The following LMO1 variants were observed in gnomAD, a reference collection of about 807,000 sequenced individuals.
LMO1 encodes LIM domain only 1, also known as rhombotin-1.
A neutral mutation model predicts 18.0 loss-of-function variants in LMO1; 10 were observed. The ratio of observed to expected loss-of-function variants is 0.55; its 90% CI spans 0.34 to 0.94. The LOEUF is 0.94. Among genes scored for constraint, LMO1 ranks in the 40% least tolerant of loss-of-function variants. The probability of loss-of-function intolerance (pLI) is 0.02; values close to 1 mark genes in which losing one functional copy is unlikely to be tolerated. For missense variants in LMO1, 183 were observed against 205.7 expected, an observed-to-expected ratio of 0.89 and a Z score of 0.68; for synonymous variants, 77 against 77.9, an observed-to-expected ratio of 0.99 and a Z score of 0.06.
chr11:8,258,981 A>G (rs1034709284), intron 1 of LMO1, among the ~76,000 whole-genome samples: 1 of 152,200 alleles, frequency 6.6e-6, no homozygotes, highest in Non-Finnish European at 1.5e-5. Context: ...GGGCATCAGT[A>G]GTTAATGCAG....
intron 3 of LMO1, 42 bp downstream of exon 3, chr11:8,226,933 G>A (rs1416614903): frequency 6.3e-7 from 1 of 1,580,664 alleles, no homozygotes. Flanking sequence ...GCCTCAGGCT[G>A]GCGTCTGGGG....
chr11:8,266,881 G>C (rs1847266769), upstream of LMO1, among the ~76,000 whole-genome samples: 1 of 152,236 alleles, frequency 6.6e-6, no homozygotes, highest in Admixed American at 6.5e-5. Flanking sequence ...GCTCAGAGAG[G>C]TATTGGGGTG....
intron 1 of LMO1, among the ~76,000 whole-genome samples, chr11:8,261,593 C>G (rs370402603): frequency 7.2e-5 from 11 of 152,328 alleles, no homozygotes; most frequent in South Asian, 2.1e-4. Flanking sequence ...GCCAAATAAC[C>G]TCTGCTAAAG....
At chr11:8,244,083 T>C (rs1030251674) in intron 1 of LMO1, among the ~76,000 whole-genome samples, 46 of 152,322 alleles carry the variant, frequency 3.0e-4, no homozygotes, top group African/African-American at 1.0e-3. Flanking sequence ...TGAACCACCC[T>C]GTGGGTAAGA....
At chr11:8,262,869 T>C (rs1003098019) in intron 1 of LMO1, among the ~76,000 whole-genome samples, 2 of 152,292 alleles carry the variant, frequency 1.3e-5, no homozygotes, top group African/African-American at 4.8e-5. Context: ...CCCCGAGCTC[T>C]GGAGCCCGAT....
At chr11:8,260,014 A>C (rs1847159653) in intron 1 of LMO1, among the ~76,000 whole-genome samples, 1 of 152,032 alleles carries the variant, frequency 6.6e-6, no homozygotes, top group Non-Finnish European at 1.5e-5. Context: ...GGCCTTTGCA[A>C]AGGCCGTTTA....
intron 1 of LMO1, among the ~76,000 whole-genome samples, chr11:8,238,670 C>CAAAAAAAAAAAA (rs11375128): frequency 1.6e-5 from 1 of 60,882 alleles, no homozygotes; most frequent in Non-Finnish European, 2.8e-5. Flanking sequence ...GACTCCATCT[C>CAAAAAAAAAAAA]AAAAAAAAAA....
intron 1 of LMO1, among the ~76,000 whole-genome samples, chr11:8,240,293 C>T (rs563854594): frequency 6.6e-5 from 10 of 152,274 alleles, no homozygotes; most frequent in Admixed American, 1.3e-4. Flanking sequence ...TTTTGCAGTG[C>T]GTTTTGGTGA....
intron 1 of LMO1, among the ~76,000 whole-genome samples, chr11:8,255,905 A>G (rs1048291235): frequency 9.7e-5 from 13 of 134,268 alleles, no homozygotes; most frequent in African/African-American, 3.4e-4. Context: ...GGCTCACTGC[A>G]AGCTCCACCT....
intron 2 of LMO1, 134 bp downstream of exon 2, chr11:8,230,157 G>A (rs1021512957): frequency 2.7e-5 from 21 of 782,812 alleles, no homozygotes; most frequent in Non-Finnish European, 4.2e-5. Flanking sequence ...AGCAGGGCAG[G>A]GGCAGGACAG....
chr11:8,256,026 C>T (rs1296841411), intron 1 of LMO1, among the ~76,000 whole-genome samples: 2 of 151,922 alleles, frequency 1.3e-5, no homozygotes, highest in Non-Finnish European at 2.9e-5. Flanking sequence ...GGGGTTTCAC[C>T]GTGTTAGCCA....
chr11:8,259,969 T>C (rs1847158553), intron 1 of LMO1, among the ~76,000 whole-genome samples: 1 of 152,182 alleles, frequency 6.6e-6, no homozygotes, highest in South Asian at 2.1e-4. Flanking sequence ...ACAACCCGCC[T>C]GCTGCTTCCT....
At position 8,263,874 on chromosome 11, in the gene LMO1, T is replaced by G. The variant is rs751659322; in HGVS notation, c.-512A>C. ...GTCTCCCGCTGCCTTTCTCCCTCAA[T>G]GTATGAGGTTTGCACTCCTGCTACT... On this transcript the variant is annotated 5_prime_UTR_variant, in exon 1 of 4. Coordinates refer to ENST00000335790, the MANE Select transcript of LMO1 (RefSeq NM_002315.3). The G allele has an allele frequency of 1.9e-6, 2 of 1,039,562 alleles. No homozygotes were observed. Among genetic ancestry groups the G allele is most frequent in the Non-Finnish European group, 2.3e-6 (2 of 863,450 alleles). The allele number at this position is 1,039,562 out of a possible 1,614,324, so 64.4% of individuals were successfully genotyped here.
chr11:8,236,441 A>T (rs1952761519), intron 1 of LMO1, among the ~76,000 whole-genome samples: 1 of 151,822 alleles, frequency 6.6e-6, no homozygotes, highest in Non-Finnish European at 1.5e-5. Flanking sequence ...CCTGGGCTCA[A>T]GCAATCCTCC....
chr11:8,267,638 G>A (rs944573091), upstream of LMO1, among the ~76,000 whole-genome samples: 1 of 152,190 alleles, frequency 6.6e-6, no homozygotes, highest in African/African-American at 2.4e-5. Context: ...TGGGCGTGGG[G>A]CTCTTTAAGA....
rs1408037845 is a variant in LMO1, at chr11:8,226,570, C to T, written c.365+405G>A. On this transcript the variant is annotated intron_variant, in intron 3 of 3. Coordinates refer to ENST00000335790, the MANE Select transcript of LMO1 (RefSeq NM_002315.3). ...GCATACTCACCTCATCATGCATGCA[C>T]GTTGCACATACACATACACCCCCAG... 3.9e-5 allele frequency among the ~76,000 whole-genome samples: 6 copies of T among 152,158 alleles called. No homozygotes were observed. The East Asian group carries it at 5.8e-4, about 15-fold the overall frequency.
intron 1 of LMO1, among the ~76,000 whole-genome samples, chr11:8,251,370 C>G (rs1215735903): frequency 1.3e-5 from 2 of 152,168 alleles, no homozygotes; most frequent in Admixed American, 6.5e-5. Context: ...CCACCCTGCT[C>G]CCACGTGAGG....
intron 1 of LMO1, among the ~76,000 whole-genome samples, chr11:8,247,990 A>T (rs2134563158): frequency 6.6e-6 from 1 of 152,314 alleles, no homozygotes; most frequent in South Asian, 2.1e-4. Flanking sequence ...ATTTTCTGTC[A>T]TTTGAGTTCT....
chr11:8,238,401 G>A (rs1006339388), intron 1 of LMO1, among the ~76,000 whole-genome samples: 6 of 152,194 alleles, frequency 3.9e-5, no homozygotes, highest in African/African-American at 1.4e-4. Flanking sequence ...GATGGGCGCG[G>A]TGGCTCACGC....
Sources: gnomAD v4.1 joint callset for allele counts (sites outside exome capture counted in the v4.1 genomes callset) on GRCh38, gnomAD v4.1.1 for gene constraint, MANE v1.5 for transcripts, NCBI Gene and HGNC (gene_info 2026-07-23, HGNC 2026-07-21) for gene names.